The following THOC2 variants were observed in gnomAD, a reference collection of about 807,000 sequenced individuals.
THOC2 encodes THO complex subunit 2.
A neutral mutation model predicts 128.4 loss-of-function variants in THOC2; 10 were observed. That is an observed-to-expected ratio of 0.08 (90% CI 0.05 to 0.13). THOC2 has a LOEUF of 0.13. Ranked by LOEUF, THOC2 falls within the 10% of genes least tolerant of loss-of-function variation. THOC2 has a pLI of 1.00. For synonymous variants in THOC2, 393 were observed against 396.9 expected (o/e 0.99, Z 0.12); for missense variants, 535 against 1,155.7 (o/e 0.46, Z 7.79).
chrX:123,732,665 G>A (rs1418156030), intron 1 of THOC2, among the ~76,000 whole-genome samples: 1 of 111,895 alleles, frequency 8.9e-6, no homozygotes, highest in Non-Finnish European at 1.9e-5. Context: ...AGACCAAGAG[G>A]GAGCGCGGAG....
At chrX:123,621,090 G>A in intron 31 of THOC2, 67 bp downstream of exon 31, 1 of 1,174,030 alleles carries the variant, frequency 8.5e-7, no homozygotes, top group Non-Finnish European at 1.1e-6. Context: ...ACCAAAACAA[G>A]GAGACAATAA....
chrX:123,642,414 C>T (rs1355381527), intron 15 of THOC2, among the ~76,000 whole-genome samples: 1 of 91,246 alleles, frequency 1.1e-5, no homozygotes, highest in African/African-American at 4.1e-5. Flanking sequence ...GGCAACGGTG[C>T]AAAACTCCAT....
intron 28 of THOC2, chrX:123,623,538 T>C: frequency 1.6e-6 from 1 of 608,645 alleles, no homozygotes; most frequent in African/African-American, 2.3e-5. Context: ...TTAACTATGA[T>C]GATAAAATTA....
At chrX:123,676,568 A>G (rs1462972221) in intron 8 of THOC2, among the ~76,000 whole-genome samples, 1 of 112,323 alleles carries the variant, frequency 8.9e-6, no homozygotes, top group Non-Finnish European at 1.9e-5. Flanking sequence ...AGTTTTTTCC[A>G]CTTCGTTATG....
At chrX:123,670,945 C>T (rs5958284) in intron 9 of THOC2, among the ~76,000 whole-genome samples, 47,250 of 110,657 alleles carry the variant, frequency 0.43, 8,328 homozygotes, top group East Asian at 0.68. Flanking sequence ...ATAAAGTGAT[C>T]TCAAAGGCAG....
intron 1 of THOC2, among the ~76,000 whole-genome samples, chrX:123,727,419 C>T (rs967227797): frequency 1.8e-5 from 2 of 111,001 alleles, no homozygotes; most frequent in Non-Finnish European, 3.8e-5. Flanking sequence ...TTACTATACA[C>T]CTGCCTAATG....
chrX:123,637,625 T>A (rs1057176142), intron 18 of THOC2, among the ~76,000 whole-genome samples: 1 of 110,751 alleles, frequency 9.0e-6, no homozygotes, highest in African/African-American at 3.3e-5. Flanking sequence ...CTGGGCGTGG[T>A]GGCGCGTGCC....
Position 123,636,129 on chromosome X carries a change from A to G in THOC2, c.1968T>C (p.Asp656=). Residue 656 remains aspartate, a synonymous_variant, in exon 19 of 39, where the codon GAT becomes GAC. Transcript: ENST00000245838. ...CGAVFRKYPI[D]LAGLLQYVAN... ...CAACATACTGAAGAAGACCAGCAAGATCAATTGGATATTTACGAAAAACTG... is the reference window on the plus strand; with the variant it reads ...CAACATACTGAAGAAGACCAGCAAGGTCAATTGGATATTTACGAAAAACTG... 1 of 1,210,586 alleles carries G rather than the reference A, an allele frequency of 8.3e-7. No individual in the cohort carries two copies.
chrX:123,695,824 T>C (rs2050426750), intron 7 of THOC2, among the ~76,000 whole-genome samples, 197 bp downstream of exon 7: 1 of 110,812 alleles, frequency 9.0e-6, no homozygotes, highest in African/African-American at 3.3e-5. Context: ...ATAGTGACAA[T>C]AAGATTTCTC....
chrX:123,667,321 A>T (rs2049086910), intron 10 of THOC2, 43 bp from the exon 11 acceptor site: 1 of 983,883 alleles, frequency 1.0e-6, no homozygotes, highest in Non-Finnish European at 1.4e-6. Flanking sequence ...GGATACAGAC[A>T]TCAAGAAATC....
At chrX:123,647,047 C>G (rs1470136901) in intron 12 of THOC2, among the ~76,000 whole-genome samples, 1 of 111,602 alleles carries the variant, frequency 9.0e-6, no homozygotes, top group African/African-American at 3.3e-5. Flanking sequence ...AACTCCCTTT[C>G]TAGGTGACTC....
At chrX:123,717,195 C>T (rs2051461267) in intron 1 of THOC2, among the ~76,000 whole-genome samples, 1 of 111,141 alleles carries the variant, frequency 9.0e-6, no homozygotes, top group Admixed American at 9.6e-5. Context: ...CTAATGACTA[C>T]ACCATAAAGT....
intron 7 of THOC2, among the ~76,000 whole-genome samples, chrX:123,690,645 T>C (rs1050032822): frequency 1.8e-5 from 2 of 111,602 alleles, no homozygotes; most frequent in African/African-American, 3.3e-5. Flanking sequence ...CAAGATAATA[T>C]TGCAGACATA....
intron 1 of THOC2, among the ~76,000 whole-genome samples, chrX:123,723,112 G>A (rs189620192): frequency 4.8e-4 from 53 of 110,904 alleles, no homozygotes; most frequent in Non-Finnish European, 8.1e-4. Flanking sequence ...TCGGGAGGCA[G>A]AGGTTGCAGT....
chrX:123,648,895 A>C (rs952608694), intron 12 of THOC2, among the ~76,000 whole-genome samples: 1 of 112,214 alleles, frequency 8.9e-6, no homozygotes, highest in African/African-American at 3.2e-5. Flanking sequence ...CAGCTTCAGC[A>C]GACTTAAACG....
At chrX:123,615,804 C>A (rs1193558914) in intron 33 of THOC2, among the ~76,000 whole-genome samples, 1 of 110,897 alleles carries the variant, frequency 9.0e-6, no homozygotes, top group Non-Finnish European at 1.9e-5. Flanking sequence ...CATAAAAAGT[C>A]ACATAGCTCA....
At chrX:123,676,213 G>T (rs2049484086) in intron 8 of THOC2, among the ~76,000 whole-genome samples, 1 of 112,294 alleles carries the variant, frequency 8.9e-6, no homozygotes, top group Admixed American at 9.4e-5. Flanking sequence ...GACAATAATT[G>T]TGCCTTTAAG....
chrX:123,662,177 G>A (rs1446664945), intron 12 of THOC2, among the ~76,000 whole-genome samples: 1 of 111,940 alleles, frequency 8.9e-6, no homozygotes, highest in East Asian at 2.8e-4. Context: ...ACAATGTCTA[G>A]ATGGTTTTTT....
intron 1 of THOC2, among the ~76,000 whole-genome samples, chrX:123,718,953 A>G: frequency 9.0e-6 from 1 of 110,729 alleles, no homozygotes; most frequent in Admixed American, 9.7e-5. Flanking sequence ...AGGTGGGCGG[A>G]TCATGAGGTC....
Sources: gnomAD v4.1 joint callset for allele counts (sites outside exome capture counted in the v4.1 genomes callset) on GRCh38, gnomAD v4.1.1 for gene constraint, MANE v1.5 for transcripts, NCBI Gene and HGNC (gene_info 2026-07-23, HGNC 2026-07-21) for gene names.